Variants in MTCL1 observed in about 807,000 individuals in gnomAD.
MTCL1 encodes the protein microtubule cross-linking factor 1.
Under a neutral mutation model 141.4 loss-of-function variants are expected in MTCL1, and 79 were observed. The ratio of observed to expected loss-of-function variants is 0.56; its 90% CI spans 0.47 to 0.67. The LOEUF is 0.67. MTCL1 is among the 30% of genes least tolerant of loss of function. The pLI, the probability that MTCL1 is intolerant of heterozygous loss-of-function variation, is 0.00. For synonymous variants in MTCL1, 914 were observed against 875.8 expected (o/e 1.04, Z -0.77); for missense variants, 2,177 against 2,113.9 (o/e 1.03, Z -0.59).
intron 10 of MTCL1, 115 bp downstream of exon 9, chr18:8,798,406 C>A: frequency 2.3e-6 from 2 of 879,694 alleles, no homozygotes; most frequent in Non-Finnish European, 3.2e-6. Flanking sequence ...GAAAATTCCA[C>A]CGCCTGACTG....
At chr18:8,744,220 G>A (rs2096322277) in intron 4 of MTCL1, among the ~76,000 whole-genome samples, 2 of 152,358 alleles carry the variant, frequency 1.3e-5, no homozygotes, top group Admixed American at 1.3e-4. Flanking sequence ...CGCTAGCTAG[G>A]TGCATGCGGT....
At chr18:8,797,092 G>A (rs1381534239) in intron 9 of MTCL1, among the ~76,000 whole-genome samples, 1 of 152,234 alleles carries the variant, frequency 6.6e-6, no homozygotes, top group Non-Finnish European at 1.5e-5. Flanking sequence ...ACTCCGTGCT[G>A]TAGCAAAGTT....
chr18:8,752,628 A>AT (rs1464052268), intron 4 of MTCL1, among the ~76,000 whole-genome samples: 4 of 152,240 alleles, frequency 2.6e-5, no homozygotes, highest in Non-Finnish European at 5.9e-5. Context: ...AACTATTTAA[A>AT]AATCTTTCTT....
chr18:8,755,039 G>A (rs2148969910), intron 4 of MTCL1, among the ~76,000 whole-genome samples: 1 of 152,282 alleles, frequency 6.6e-6, no homozygotes, highest in Non-Finnish European at 1.5e-5. Context: ...TCACTTTTTT[G>A]TGAAAGTGGC....
At chr18:8,750,293 G>T (rs534080179) in intron 4 of MTCL1, among the ~76,000 whole-genome samples, 1 of 152,152 alleles carries the variant, frequency 6.6e-6, no homozygotes, top group African/African-American at 2.4e-5. Flanking sequence ...TGATCTGCCC[G>T]CCTCAGCCTC....
intron 4 of MTCL1, among the ~76,000 whole-genome samples, chr18:8,736,635 ATT>A (rs34650032): frequency 0.34 from 39,686 of 117,714 alleles, 5,230 homozygotes; most frequent in East Asian, 0.5. Flanking sequence ...ATATCCATGT[ATT>A]TTTTTTTTTT....
At chr18:8,720,763 T>C (rs2096165663) in intron 4 of MTCL1, among the ~76,000 whole-genome samples, 1 of 152,210 alleles carries the variant, frequency 6.6e-6, no homozygotes, top group Non-Finnish European at 1.5e-5. Context: ...GCCTAAAATA[T>C]TTTCTATCTG....
chr18:8,734,507 C>G (rs2096266548), intron 4 of MTCL1, among the ~76,000 whole-genome samples: 1 of 152,044 alleles, frequency 6.6e-6, no homozygotes, highest in Admixed American at 6.5e-5. Context: ...CATTTTCTAG[C>G]TGATTGATGA....
rs3051533 is a variant in MTCL1, at chr18:8,729,673, AATATATATATATATATATATATAT to A, written c.357+9214_357+9237del. ...CTCACTTTGGCTTCCCAAGAAGACA[AATATATATATATATATATATATAT>A]ATATATATATATATATATATATATA... On this transcript the variant is annotated intron_variant, in intron 4 of 16. Coordinates refer to ENST00000359865, the Ensembl canonical transcript of MTCL1. Among the ~76,000 whole-genome samples, 371 of 131,546 alleles carry A rather than the reference AATATATATATATATATATATATAT, an allele frequency of 2.8e-3. 4 individuals carry two copies. Among genetic ancestry groups the A allele is most frequent in the African/African-American group, 7.6e-3 (279 of 36,888 alleles). The allele number at this position is 131,546 out of a possible 152,430, so 86.3% of individuals were successfully genotyped here.
At chr18:8,710,593 A>G (rs2096083153) in intron 1 of MTCL1, among the ~76,000 whole-genome samples, 1 of 151,746 alleles carries the variant, frequency 6.6e-6, no homozygotes, top group African/African-American at 2.4e-5. Flanking sequence ...ATACACTTTA[A>G]TAATTTAAAG....
At chr18:8,740,021 G>A (rs180846425) in intron 4 of MTCL1, among the ~76,000 whole-genome samples, 42 of 152,332 alleles carry the variant, frequency 2.8e-4, no homozygotes, top group Middle Eastern at 3.4e-3. Context: ...GTGAGCCACC[G>A]CGCCCAGCCA....
rs1432759860 is a variant in MTCL1, at chr18:8,830,724, T to A, written c.*19-883T>A. ...TCATTCCAGCCAGCGGGCTCCATGC[T>A]GGGCAACTCAGTTTTCTCATGCCAC... is the stretch of plus-strand genomic sequence containing the variant. On this transcript the variant is annotated intron_variant, in intron 16 of 16. Coordinates refer to ENST00000359865, the Ensembl canonical transcript of MTCL1. This position sits in a 1 kb window ranked among gnomAD's most constrained non-coding sequence, Gnocchi z 6.4. 1.0e-6 allele frequency: 1 copy of A among 985,388 alleles called. No individual in the cohort carries two copies. The allele number at this position is 985,388 out of a possible 1,614,324, so 61.0% of individuals were successfully genotyped here.
chr18:8,813,180 G>A, exon 12 of MTCL1: 1 of 1,613,666 alleles, frequency 6.2e-7, no homozygotes, highest in South Asian at 1.1e-5. Context: ...CCTGGACAGA[G>A]ATCGGCAGGA....
At chr18:8,723,880 C>T (rs1429204084) in intron 4 of MTCL1, among the ~76,000 whole-genome samples, 1 of 152,110 alleles carries the variant, frequency 6.6e-6, no homozygotes, top group Admixed American at 6.5e-5. Flanking sequence ...TGAAAATCTG[C>T]TAAGTAACAG....
At chr18:8,819,503 G>A (rs2076771280) in intron 13 of MTCL1, among the ~76,000 whole-genome samples, 1 of 152,226 alleles carries the variant, frequency 6.6e-6, no homozygotes. Context: ...CTGGACTAGA[G>A]TCCTATACAA....
chr18:8,710,091 C>T (rs1011733293), intron 1 of MTCL1, among the ~76,000 whole-genome samples: 5 of 152,288 alleles, frequency 3.3e-5, no homozygotes, highest in African/African-American at 7.2e-5. Context: ...CTGCCCGCCT[C>T]GGCTTCCCAA....
intron 4 of MTCL1, among the ~76,000 whole-genome samples, chr18:8,727,500 A>C (rs759594494): frequency 2.6e-5 from 4 of 152,096 alleles, no homozygotes; most frequent in Non-Finnish European, 5.9e-5. Context: ...CCGGTGTTTG[A>C]TGATATCTCA....
intron 4 of MTCL1, among the ~76,000 whole-genome samples, chr18:8,764,475 C>G (rs1450263041): frequency 6.6e-6 from 1 of 151,944 alleles, no homozygotes; most frequent in Non-Finnish European, 1.5e-5. Flanking sequence ...GCACCACACA[C>G]CCGGATAATT....
Position 8,830,911 on chromosome 18 carries a change from C to T in MTCL1, c.*19-696C>T. On this transcript the variant is annotated intron_variant, in intron 16 of 16. Coordinates refer to ENST00000359865, the Ensembl canonical transcript of MTCL1. This position sits in a 1 kb window ranked among gnomAD's most constrained non-coding sequence, Gnocchi z 6.4. Reference sequence around the variant, plus strand: ...TTGAGTGTGTCTTGCATCACCTGCTCGCAGAACATTAGGATGCCTGAAACA... The same window carrying T: ...TTGAGTGTGTCTTGCATCACCTGCTTGCAGAACATTAGGATGCCTGAAACA... The T allele has an allele frequency of 7.1e-6, 7 of 985,486 alleles. No individual in the cohort carries two copies. The South Asian group carries it at 1.4e-4, about 20-fold the overall frequency. 61.0% of individuals were successfully genotyped at this position (985,486 alleles called of 1,614,324 possible). A position where few individuals can be genotyped will look rare whatever the true frequency, so the allele number is the denominator to read the frequency against.
Sources: allele counts gnomAD v4.1 joint callset (sites outside exome capture counted in the v4.1 genomes callset), GRCh38; gene constraint gnomAD v4.1.1; non-coding constraint Gnocchi (gnomAD v3.1); transcripts MANE v1.5; gene names NCBI Gene and HGNC (gene_info 2026-07-23, HGNC 2026-07-21).